PDE3A: variants seen among roughly 807,000 people sequenced by gnomAD.
PDE3A encodes cGMP-inhibited 3',5'-cyclic phosphodiesterase 3A.
A neutral mutation model predicts 98.3 loss-of-function variants in PDE3A; 43 were observed. That is an observed-to-expected ratio of 0.44 (90% confidence interval 0.34 to 0.56). PDE3A has a LOEUF of 0.56. Among genes scored for constraint, PDE3A ranks in the 20% least tolerant of loss-of-function variants. PDE3A has a pLI of 0.01. For missense variants in PDE3A, 1,427 were observed against 1,440.7 expected (o/e 0.99, Z 0.15); for synonymous variants, 663 against 567.9 (o/e 1.17, Z -2.38).
intron 1 of PDE3A, among the ~76,000 whole-genome samples, chr12:20,409,682 G>T (rs1944299185): frequency 6.6e-6 from 1 of 152,080 alleles, no homozygotes; most frequent in African/African-American, 2.4e-5. Context: ...TAGTCTTTCT[G>T]TTACAAATGT....
intron 2 of PDE3A, among the ~76,000 whole-genome samples, chr12:20,582,705 T>A (rs1361515493): frequency 6.6e-6 from 1 of 152,120 alleles, no homozygotes; most frequent in African/African-American, 2.4e-5. Context: ...GACCATAGAC[T>A]TTTTTCATGT....
At chr12:20,406,817 G>C (rs904404533) in intron 1 of PDE3A, among the ~76,000 whole-genome samples, 2 of 152,002 alleles carry the variant, frequency 1.3e-5, no homozygotes, top group African/African-American at 4.8e-5. Context: ...TATTAGAGGA[G>C]TCTTATGGCT....
intron 1 of PDE3A, among the ~76,000 whole-genome samples, chr12:20,411,819 C>T (rs1287146529): frequency 2.0e-5 from 3 of 152,090 alleles, no homozygotes; most frequent in Admixed American, 1.3e-4. Context: ...GTAGTCTATC[C>T]CTTCAATGTA....
At chr12:20,536,928 A>T (rs1181746888) in intron 1 of PDE3A, among the ~76,000 whole-genome samples, 1 of 152,082 alleles carries the variant, frequency 6.6e-6, no homozygotes, top group Non-Finnish European at 1.5e-5. Context: ...GCTGGATCAT[A>T]TGGTAAATCC....
intron 1 of PDE3A, among the ~76,000 whole-genome samples, chr12:20,477,991 G>A (rs1945558570): frequency 1.3e-5 from 2 of 152,076 alleles, no homozygotes; most frequent in Non-Finnish European, 2.9e-5. Context: ...AATCTCAGAA[G>A]TACTCATTCC....
chr12:20,448,270 T>C (rs965782423), intron 1 of PDE3A, among the ~76,000 whole-genome samples: 1 of 152,046 alleles, frequency 6.6e-6, no homozygotes, highest in Non-Finnish European at 1.5e-5. Context: ...TGAAACCCCG[T>C]CTCTACTAAA....
intron 2 of PDE3A, among the ~76,000 whole-genome samples, chr12:20,611,627 A>C (rs1291945285): frequency 6.6e-6 from 1 of 151,912 alleles, no homozygotes; most frequent in Non-Finnish European, 1.5e-5. Flanking sequence ...TATTATAGTT[A>C]TTGTAATTCT....
At position 20,611,037 on chromosome 12, in the gene PDE3A, A is replaced by G. The variant is rs1326134886; in HGVS notation, c.1012-2406A>G. Among the ~76,000 whole-genome samples the G allele has an allele frequency of 3.4e-4, 51 of 151,810 alleles. 2 individuals carry two copies. The highest frequency in any genetic ancestry group is 3.4e-3 in the Admixed American group (51 of 15,216). The stretch of plus-strand genomic sequence containing the variant: ...TTACAGATTTTTGTTAAATAAGGAG[A>G]TTTCAGCTGCTCTTGTCACAAAAAT... On this transcript the variant is annotated intron_variant, in intron 2 of 15. Coordinates refer to ENST00000359062, the MANE Select transcript of PDE3A (RefSeq NM_000921.5).
At position 20,646,517 on chromosome 12, in the gene PDE3A, T is replaced by C; in HGVS notation, c.2279T>C (p.Val760Ala). The change falls in exon 11 of 16, where the codon GTT becomes GCT. Residue 760 changes from valine (V) to alanine (A), a missense_variant. Coordinates refer to ENST00000359062, the MANE Select transcript of PDE3A (RefSeq NM_000921.5). ...PYHNRIHATD[V>A]LHAVWYLTTQ... ...CATAACAGAATCCATGCCACTGATG[T>C]TTTACATGCTGTTTGGTATCTTACT... 1 of 1,603,178 alleles carries C rather than the reference T, an allele frequency of 6.2e-7. No individual in the cohort carries two copies. The highest frequency in any genetic ancestry group is 1.7e-5 in the Admixed American group (1 of 60,004).
intron 15 of PDE3A, among the ~76,000 whole-genome samples, chr12:20,654,873 T>C (rs912661839): frequency 7.2e-5 from 11 of 152,198 alleles, no homozygotes; most frequent in African/African-American, 1.9e-4. Context: ...AGACCAGTCA[T>C]AGGTTTTTAT....
intron 1 of PDE3A, among the ~76,000 whole-genome samples, chr12:20,442,358 T>C (rs1177267643): frequency 6.6e-6 from 1 of 152,170 alleles, no homozygotes; most frequent in Non-Finnish European, 1.5e-5. Context: ...CTCATGTTTG[T>C]GTAGATTGAA....
intron 1 of PDE3A, among the ~76,000 whole-genome samples, chr12:20,499,598 G>A (rs963648956): frequency 2.0e-5 from 3 of 152,108 alleles, no homozygotes; most frequent in African/African-American, 7.2e-5. Context: ...AAGTTAATAA[G>A]ATCCAGTAAT....
At chr12:20,663,856 A>G (rs546310100) in intron 15 of PDE3A, among the ~76,000 whole-genome samples, 1 of 152,168 alleles carries the variant, frequency 6.6e-6, no homozygotes, top group South Asian at 2.1e-4. Flanking sequence ...AAATGTGAGG[A>G]TATTAGTTTT....
chr12:20,390,609 G>A (rs1246250822), intron 1 of PDE3A, among the ~76,000 whole-genome samples: 1 of 151,822 alleles, frequency 6.6e-6, no homozygotes, highest in African/African-American at 2.4e-5. Context: ...CATCAGATCA[G>A]TTTTTGTTTA....
chr12:20,461,421 A>G (rs1945248705), intron 1 of PDE3A, among the ~76,000 whole-genome samples: 1 of 152,178 alleles, frequency 6.6e-6, no homozygotes, highest in African/African-American at 2.4e-5. Flanking sequence ...ATAGAAGACT[A>G]AGTGTACAAT....
At chr12:20,386,172 A>AAAATATATAT (rs1262942290) in intron 1 of PDE3A, among the ~76,000 whole-genome samples, 2 of 47,116 alleles carry the variant, frequency 4.2e-5, no homozygotes, top group South Asian at 5.4e-4. Flanking sequence ...TAAATATATA[A>AAAATATATAT]AAATATATAT....
intron 1 of PDE3A, among the ~76,000 whole-genome samples, chr12:20,545,551 A>AT (rs1353672649): frequency 1.3e-5 from 2 of 152,012 alleles, no homozygotes; most frequent in African/African-American, 2.4e-5. Flanking sequence ...GCTCTCAGTG[A>AT]TTTTTTAAAG....
intron 2 of PDE3A, among the ~76,000 whole-genome samples, chr12:20,592,378 A>C (rs1943359640): frequency 6.6e-6 from 1 of 152,200 alleles, no homozygotes; most frequent in African/African-American, 2.4e-5. Context: ...CAGTAAATAA[A>C]AGGAATTCGA....
At chr12:20,510,987 C>G (rs1365029804) in intron 1 of PDE3A, among the ~76,000 whole-genome samples, 1 of 152,036 alleles carries the variant, frequency 6.6e-6, no homozygotes, top group African/African-American at 2.4e-5. Flanking sequence ...CAAACAACTT[C>G]AGTCACGAGT....
Sources: gnomAD v4.1 joint callset for allele counts (sites outside exome capture counted in the v4.1 genomes callset) on GRCh38, gnomAD v4.1.1 for gene constraint, MANE v1.5 for transcripts, NCBI Gene and HGNC (gene_info 2026-07-23, HGNC 2026-07-21) for gene names.